RABGAP1L: variants seen among roughly 807,000 people sequenced by gnomAD.
RABGAP1L encodes the protein RAB GTPase activating protein 1 like, also known as rab GTPase-activating protein 1-like.
Under a neutral mutation model 137.7 loss-of-function variants are expected in RABGAP1L, and 63 were observed. The observed-to-expected ratio is 0.46, with a 90% CI of 0.37 to 0.56. The LOEUF (loss-of-function observed/expected upper bound fraction) is 0.56, where lower values mean the gene tolerates loss of function less well. Ranked by LOEUF, RABGAP1L falls within the 20% of genes least tolerant of loss-of-function variation. The probability of loss-of-function intolerance (pLI) is 0.00; values close to 1 mark genes in which losing one functional copy is unlikely to be tolerated. For synonymous variants in RABGAP1L, 431 were observed against 433.7 expected (o/e 0.99, Z 0.08); for missense variants, 1,095 against 1,244.0 (o/e 0.88, Z 1.80).
At chr1:174,223,961 G>C (rs942182193) in intron 3 of RABGAP1L, among the ~76,000 whole-genome samples, 8 of 152,126 alleles carry the variant, frequency 5.3e-5, no homozygotes, top group Admixed American at 4.6e-4. Context: ...TGGGGGAAAT[G>C]GTAACTATGC....
intron 13 of RABGAP1L, among the ~76,000 whole-genome samples, chr1:174,494,390 T>A (rs530449337): frequency 1.1e-4 from 16 of 152,324 alleles, no homozygotes; most frequent in African/African-American, 3.8e-4. Flanking sequence ...CATCCTCCGT[T>A]GAATTATTGT....
chr1:174,568,743 T>A (rs1667753229), intron 13 of RABGAP1L, among the ~76,000 whole-genome samples: 1 of 152,122 alleles, frequency 6.6e-6, no homozygotes, highest in Admixed American at 6.6e-5. Flanking sequence ...GTTTGTGTAT[T>A]TTGGCAGGAA....
chr1:174,439,792 C>G (rs1330194787), intron 13 of RABGAP1L, among the ~76,000 whole-genome samples: 1 of 152,174 alleles, frequency 6.6e-6, no homozygotes, highest in Non-Finnish European at 1.5e-5. Context: ...ATGTTAAACA[C>G]TTATTTGTTC....
intron 18 of RABGAP1L, among the ~76,000 whole-genome samples, chr1:174,772,523 G>T (rs1216561297): frequency 1.6e-5 from 2 of 129,022 alleles, no homozygotes; most frequent in Non-Finnish European, 3.1e-5. Context: ...AGCTGAGATC[G>T]CACCACTGCA....
At position 174,674,611 on chromosome 1, in the gene RABGAP1L, G is replaced by A. The variant is rs1200654666; in HGVS notation, c.1825-8911G>A. 6.0e-5 allele frequency among the ~76,000 whole-genome samples: 9 copies of A among 151,008 alleles called. No individual in the cohort carries two copies. The East Asian group carries it at 1.8e-3, about 30-fold the overall frequency. ...CATTTGGGTATATACCCAGTAATGG[G>A]ATGGCTGGGTCAAATGGTATTTCTA... On this transcript the variant is annotated intron_variant, in intron 14 of 25. Coordinates refer to ENST00000681986, the MANE Select transcript of RABGAP1L (RefSeq NM_001366446.1).
At chr1:174,507,536 T>C (rs996509301) in intron 13 of RABGAP1L, among the ~76,000 whole-genome samples, 3 of 152,142 alleles carry the variant, frequency 2.0e-5, no homozygotes, top group Non-Finnish European at 2.9e-5. Context: ...AACCTCCATC[T>C]CTTATTTTAG....
intron 13 of RABGAP1L, among the ~76,000 whole-genome samples, chr1:174,396,685 C>A (rs1462487438): frequency 1.3e-5 from 2 of 151,848 alleles, no homozygotes; most frequent in Non-Finnish European, 2.9e-5. Flanking sequence ...TAATTCATAC[C>A]TTTAAAAATT....
At chr1:174,573,125 A>G (rs1358793850) in intron 13 of RABGAP1L, among the ~76,000 whole-genome samples, 2 of 152,008 alleles carry the variant, frequency 1.3e-5, no homozygotes, top group South Asian at 2.1e-4. Flanking sequence ...GTGTATATAT[A>G]TGTATACACT....
intron 14 of RABGAP1L, among the ~76,000 whole-genome samples, chr1:174,651,813 T>C (rs1264364098): frequency 2.6e-5 from 4 of 152,254 alleles, no homozygotes; most frequent in Non-Finnish European, 4.4e-5. Flanking sequence ...TGTCTTTTAA[T>C]TGGAGCATTT....
At chr1:174,311,556 C>T (rs559151517) in intron 11 of RABGAP1L, among the ~76,000 whole-genome samples, 2 of 152,188 alleles carry the variant, frequency 1.3e-5, no homozygotes, top group Non-Finnish European at 2.9e-5. Context: ...GCTTATTTCA[C>T]TTAACATAAT....
intron 11 of RABGAP1L, among the ~76,000 whole-genome samples, chr1:174,368,306 T>C (rs1684820848): frequency 6.6e-6 from 1 of 152,232 alleles, no homozygotes; most frequent in Admixed American, 6.5e-5. Flanking sequence ...AGTGATACAC[T>C]AAGAATCCTG....
chr1:174,620,761 G>A (rs181818244), intron 13 of RABGAP1L, among the ~76,000 whole-genome samples: 4 of 151,884 alleles, frequency 2.6e-5, no homozygotes, highest in East Asian at 1.9e-4. Context: ...AAAAGCTAGC[G>A]GAAGGCAAAA....
At chr1:174,665,921 A>C (rs2148433712) in intron 14 of RABGAP1L, among the ~76,000 whole-genome samples, 1 of 152,382 alleles carries the variant, frequency 6.6e-6, no homozygotes, top group East Asian at 1.9e-4. Context: ...AGAGAAATTA[A>C]TGCAAAGAAT....
intron 19 of RABGAP1L, among the ~76,000 whole-genome samples, chr1:174,854,696 A>G (rs1197651602): frequency 1.5e-5 from 2 of 137,480 alleles, no homozygotes; most frequent in African/African-American, 2.8e-5. Context: ...TTATAACTGC[A>G]ATAGACTCAA....
At chr1:174,651,959 T>TACA (rs1474592423) in intron 14 of RABGAP1L, among the ~76,000 whole-genome samples, 3 of 152,224 alleles carry the variant, frequency 2.0e-5, no homozygotes, top group African/African-American at 4.8e-5. Flanking sequence ...GGCATGGTTT[T>TACA]GCAGTGGCTG....
intron 12 of RABGAP1L, among the ~76,000 whole-genome samples, chr1:174,385,996 G>A (rs1219515904): frequency 6.6e-6 from 1 of 151,220 alleles, no homozygotes; most frequent in Non-Finnish European, 1.5e-5. Context: ...TTTGTATGTT[G>A]TTAGAAAGGA....
intron 19 of RABGAP1L, among the ~76,000 whole-genome samples, chr1:174,870,096 A>C (rs1227221249): frequency 6.6e-6 from 1 of 152,250 alleles, no homozygotes; most frequent in Non-Finnish European, 1.5e-5. Context: ...CTCTAATGGC[A>C]TAAATGGAAG....
chr1:174,529,792 C>T (rs1404534603), intron 13 of RABGAP1L, among the ~76,000 whole-genome samples: 2 of 152,076 alleles, frequency 1.3e-5, no homozygotes, highest in Admixed American at 6.5e-5. Context: ...GATGAACAGG[C>T]CAGTCTCCAA....
At chr1:174,604,104 A>T (rs1161515078) in intron 13 of RABGAP1L, among the ~76,000 whole-genome samples, 1 of 152,016 alleles carries the variant, frequency 6.6e-6, no homozygotes, top group Non-Finnish European at 1.5e-5. Flanking sequence ...AGGGTCCAGC[A>T]CAGCACCAAG....
Sources: gnomAD v4.1 joint callset for allele counts (sites outside exome capture counted in the v4.1 genomes callset) on GRCh38, gnomAD v4.1.1 for gene constraint, MANE v1.5 for transcripts, NCBI Gene and HGNC (gene_info 2026-07-23, HGNC 2026-07-21) for gene names.